Variants in KLF12 observed in about 807,000 individuals in gnomAD.
KLF12 encodes Krueppel-like factor 12.
KLF12 carries 9 observed loss-of-function variants against 37.8 expected under a neutral mutation model. That is an observed-to-expected ratio of 0.24 (90% CI 0.14 to 0.42). KLF12 has a LOEUF of 0.42. KLF12 is among the 10% of genes least tolerant of loss of function. KLF12 has a pLI of 1.00. For synonymous variants in KLF12, 208 were observed against 202.1 expected (o/e 1.03, Z -0.25); for missense variants, 411 against 516.0 (o/e 0.80, Z 1.97).
chr13:73,892,023 T>A (rs1416167809), intron 3 of KLF12, among the ~76,000 whole-genome samples: 1 of 142,100 alleles, frequency 7.0e-6, no homozygotes, highest in Non-Finnish European at 1.6e-5. Context: ...TCATTGACAA[T>A]ATTTTTTTTT....
intron 3 of KLF12, among the ~76,000 whole-genome samples, chr13:73,862,914 A>T (rs936111309): frequency 6.6e-6 from 1 of 152,208 alleles, no homozygotes; most frequent in African/African-American, 2.4e-5. Context: ...GCAAACTCAC[A>T]TTATATGATT....
chr13:73,789,922 C>T (rs977989700), intron 5 of KLF12, among the ~76,000 whole-genome samples: 26 of 152,088 alleles, frequency 1.7e-4, no homozygotes, highest in Non-Finnish European at 3.8e-4. Context: ...GTGATCCGCC[C>T]ACCTCGGCCT....
In KLF12 at chr13:73,686,286, C is replaced by A. The variant is rs1057121425; in HGVS notation, c.*9204G>T. 6.6e-6 allele frequency: 1 copy of A among 152,580 alleles called. No individual in the cohort carries two copies. Among genetic ancestry groups the A allele is most frequent in the Non-Finnish European group, 1.5e-5 (1 of 68,038 alleles). 9.5% of individuals were successfully genotyped at this position (152,580 alleles called of 1,614,324 possible). ...CAATAACACTTGTTCATTTAAATCTCTGAGAATAGACTGGAATAATCATCC... is the reference window on the plus strand; with the variant it reads ...CAATAACACTTGTTCATTTAAATCTATGAGAATAGACTGGAATAATCATCC... On this transcript the variant is annotated 3_prime_UTR_variant, in exon 8 of 8. Coordinates refer to ENST00000377669, the MANE Select transcript of KLF12 (RefSeq NM_007249.5).
chr13:73,718,117 T>C (rs1169596955), intron 6 of KLF12, among the ~76,000 whole-genome samples: 4 of 152,184 alleles, frequency 2.6e-5, no homozygotes, highest in African/African-American at 9.7e-5. Flanking sequence ...TATAAAGAAG[T>C]CTAAATGTAA....
the KLF12 span, among the ~76,000 whole-genome samples, chr13:74,181,021 C>T: frequency 0.02 from 3,090 of 151,844 alleles, 96 homozygotes; most frequent in African/African-American, 0.068. Context: ...TTTTTTTTGA[C>T]GGAGTCTTGC....
intron 6 of KLF12, among the ~76,000 whole-genome samples, chr13:73,748,432 T>C (rs528716274): frequency 3.7e-4 from 57 of 152,288 alleles, no homozygotes; most frequent in African/African-American, 1.3e-3. Flanking sequence ...GGGGATTATT[T>C]AGATCAGGTC....
intron 4 of KLF12, among the ~76,000 whole-genome samples, chr13:73,830,991 T>TACACACACACAC (rs71115618): frequency 8.4e-6 from 1 of 118,928 alleles, no homozygotes; most frequent in African/African-American, 2.9e-5. Flanking sequence ...ACGCAATTCA[T>TACACACACACAC]ACACACACAC....
Position 73,818,681 on chromosome 13 carries a change from T to G in KLF12, c.671-5394A>C, listed in dbSNP as rs368339799. Among the ~76,000 whole-genome samples the G allele has an allele frequency of 5.3e-5, 8 of 152,332 alleles. No individual in the cohort carries two copies. In the South Asian group the frequency reaches 1.7e-3, roughly 32 times the overall value. ...CAATCTAAGAACATATATGAAAACT[T>G]ACAGACTAACATTTCCTAACAGGAA... On this transcript the variant is annotated intron_variant, in intron 4 of 7. Coordinates refer to ENST00000377669, the MANE Select transcript of KLF12 (RefSeq NM_007249.5).
intron 5 of KLF12, among the ~76,000 whole-genome samples, chr13:73,787,046 G>A (rs1881397057): frequency 1.3e-5 from 2 of 152,166 alleles, no homozygotes; most frequent in Admixed American, 6.5e-5. Context: ...AAACAGACTG[G>A]ATACATGGTA....
chr13:73,955,644 G>C (rs568551063), intron 2 of KLF12, among the ~76,000 whole-genome samples: 10 of 152,238 alleles, frequency 6.6e-5, no homozygotes, highest in Middle Eastern at 3.4e-3. Flanking sequence ...AAGCTTTACT[G>C]GTTCTCCTTT....
intron 3 of KLF12, among the ~76,000 whole-genome samples, chr13:73,870,246 C>A (rs539443724): frequency 1.1e-4 from 17 of 152,174 alleles, no homozygotes; most frequent in South Asian, 4.1e-4. Flanking sequence ...CTGATTGCTT[C>A]ATTTCTCATT....
At chr13:74,128,799 GAT>G (rs904313535) in intron 1 of KLF12, among the ~76,000 whole-genome samples, 1 of 152,070 alleles carries the variant, frequency 6.6e-6, no homozygotes, top group African/African-American at 2.4e-5. Context: ...TATTACTAAA[GAT>G]AGAATTTTTT....
chr13:74,023,776 G>A (rs1892904665), intron 1 of KLF12, among the ~76,000 whole-genome samples: 2 of 152,110 alleles, frequency 1.3e-5, no homozygotes, highest in Non-Finnish European at 2.9e-5. Context: ...GAATTTTGTG[G>A]GGACACTAAC....
At chr13:74,283,259 C>A in the KLF12 span, among the ~76,000 whole-genome samples, 6 of 152,164 alleles carry the variant, frequency 3.9e-5, no homozygotes, top group East Asian at 1.9e-4. Context: ...ATATTTTCAA[C>A]GTTTACTTCA....
In KLF12 at chr13:73,794,328, GT is replaced by G. The variant is rs1174055152; in HGVS notation, c.806+18823del. Among the ~76,000 whole-genome samples the G allele has an allele frequency of 3.3e-5, 5 of 152,330 alleles. No individual in the cohort carries two copies. The East Asian group carries it at 9.7e-4, about 29-fold the overall frequency. ...ATACAAAAATTAGCCAGGCGTGATG[GT>G]ATGCGCTTGTAGTCTTAGCTACTCA... is the stretch of plus-strand genomic sequence containing the variant. On this transcript the variant is annotated intron_variant, in intron 5 of 7. Transcript: ENST00000377669.
At chr13:73,874,760 C>T (rs965235379) in intron 3 of KLF12, among the ~76,000 whole-genome samples, 2 of 152,174 alleles carry the variant, frequency 1.3e-5, no homozygotes, top group African/African-American at 4.8e-5. Context: ...AACTGATCAT[C>T]ACCTTGAAAA....
chr13:73,950,761 G>A (rs1156277412), intron 2 of KLF12, among the ~76,000 whole-genome samples: 1 of 152,192 alleles, frequency 6.6e-6, no homozygotes, highest in Non-Finnish European at 1.5e-5. Context: ...TGTGGAGGCA[G>A]GTATTAGGGT....
At chr13:74,123,047 C>A (rs1392851176) in intron 1 of KLF12, among the ~76,000 whole-genome samples, 1 of 151,092 alleles carries the variant, frequency 6.6e-6, no homozygotes, top group African/African-American at 2.4e-5. Context: ...GTAAACAATG[C>A]CCATTAAAGC....
intron 4 of KLF12, among the ~76,000 whole-genome samples, chr13:73,817,184 G>A (rs1479852780): frequency 2.0e-5 from 3 of 151,656 alleles, no homozygotes; most frequent in Non-Finnish European, 4.4e-5. Flanking sequence ...AGAGTGTGGT[G>A]GCATATGCCT....
Sources: allele counts gnomAD v4.1 joint callset (sites outside exome capture counted in the v4.1 genomes callset), GRCh38; gene constraint gnomAD v4.1.1; transcripts MANE v1.5; gene names NCBI Gene and HGNC (gene_info 2026-07-23, HGNC 2026-07-21).